Variants in ARHGAP22 observed in about 807,000 individuals in gnomAD.
ARHGAP22 encodes rho GTPase-activating protein 22.
ARHGAP22 carries 48 observed loss-of-function variants against 59.1 expected under a neutral mutation model. The observed-to-expected ratio is 0.81, with a 90% CI of 0.64 to 1.03. ARHGAP22 has a LOEUF of 1.03. Among genes scored for constraint, ARHGAP22 ranks in the 50% least tolerant of loss-of-function variants. The pLI, the probability that ARHGAP22 is intolerant of heterozygous loss-of-function variation, is 0.00. For missense variants in ARHGAP22, 1,015 were observed against 958.7 expected (o/e 1.06, Z -0.78); for synonymous variants, 445 against 416.4 (o/e 1.07, Z -0.84).
intron 1 of ARHGAP22, among the ~76,000 whole-genome samples, chr10:48,649,874 T>C (rs1431595448): frequency 1.3e-5 from 2 of 152,058 alleles, no homozygotes; most frequent in East Asian, 3.9e-4. Flanking sequence ...AAATGAAGCA[T>C]AGCAGTACAA....
At chr10:48,593,682 G>A (rs1182918024) in intron 1 of ARHGAP22, among the ~76,000 whole-genome samples, 2 of 152,360 alleles carry the variant, frequency 1.3e-5, no homozygotes, top group African/African-American at 4.8e-5. Context: ...GGGACACCAC[G>A]CTACTCAGAA....
At chr10:48,530,495 G>A (rs2054736025) in intron 3 of ARHGAP22, among the ~76,000 whole-genome samples, 1 of 152,164 alleles carries the variant, frequency 6.6e-6, no homozygotes, top group Non-Finnish European at 1.5e-5. Context: ...CACAGAGTGG[G>A]AGAAAATCTT....
the ARHGAP22 span, chr10:48,431,120 C>G: frequency 2.2e-6 from 2 of 923,554 alleles, no homozygotes; most frequent in East Asian, 2.5e-5. Context: ...AAAATTTCCA[C>G]TTAAACCATA....
intron 5 of ARHGAP22, among the ~76,000 whole-genome samples, chr10:48,455,635 C>A (rs2046417509): frequency 1.3e-5 from 2 of 152,220 alleles, no homozygotes; most frequent in South Asian, 4.1e-4. Flanking sequence ...ATCCCAAGGT[C>A]CCCTGCAAGA....
chr10:48,438,748 G>C, the ARHGAP22 span: 1 of 152,170 alleles, frequency 6.6e-6, no homozygotes, highest in African/African-American at 2.4e-5. Context: ...ATACCAGTAA[G>C]TATGTAAAGT....
chr10:48,645,318 A>G (rs1416362930), intron 1 of ARHGAP22, among the ~76,000 whole-genome samples: 1 of 152,246 alleles, frequency 6.6e-6, no homozygotes, highest in Admixed American at 6.5e-5. Flanking sequence ...TTCTACAAAA[A>G]GAAAACTACC....
chr10:48,442,644 G>A (rs1346929492), downstream of ARHGAP22, among the ~76,000 whole-genome samples: 1 of 151,912 alleles, frequency 6.6e-6, no homozygotes, highest in Non-Finnish European at 1.5e-5. Flanking sequence ...CACCAGGCCT[G>A]GGCCCAGAAA....
chr10:48,440,114 TTTAGGTA>T, the ARHGAP22 span, among the ~76,000 whole-genome samples: 1 of 104,690 alleles, frequency 9.6e-6, no homozygotes, highest in South Asian at 3.4e-4. Flanking sequence ...TCCTCGTTAA[TTTAGGTA>T]CTTTTTTTTT....
chr10:48,583,035 A>C lies in ARHGAP22; in HGVS notation c.152T>G (p.Met51Arg). Reference protein sequence around the residue: ...AGWLKKQRSIMKNWQQRWFVL... With the variant: ...AGWLKKQRSIRKNWQQRWFVL... The stretch of plus-strand genomic sequence containing the variant: ...AAACCAGCGCTGCTGCCAGTTCTTC[A>C]TGATGCTCCTCTGCTTCTTCAGCCA... The change falls in exon 2 of 10, where the codon ATG becomes AGG. Residue 51 changes from methionine to arginine, a missense_variant. Physicochemically the swap from Met to Arg is moderately conservative, Grantham distance 91. Transcript: ENST00000249601. The C allele has an allele frequency of 6.2e-7, 1 of 1,614,262 alleles. No individual in the cohort carries two copies. The highest frequency in any genetic ancestry group is 8.5e-7 in the Non-Finnish European group (1 of 1,180,044).
intron 2 of ARHGAP22, among the ~76,000 whole-genome samples, chr10:48,562,661 G>T (rs1257642762): frequency 3.9e-5 from 6 of 152,158 alleles, no homozygotes; most frequent in Non-Finnish European, 5.9e-5. Context: ...ATTACAACAG[G>T]ATACAAGGAA....
At chr10:48,655,054 C>CTTTCTTTCTTTCTCCT (rs1309930149), upstream of ARHGAP22, among the ~76,000 whole-genome samples, 5 of 61,622 alleles carry the variant, frequency 8.1e-5, no homozygotes, top group African/African-American at 3.3e-4. Context: ...TTCTTTCTTT[C>CTTTCTTTCTTTCTCCT]TCCTTCCTTC....
At chr10:48,595,111 G>A (rs1178316780) in intron 1 of ARHGAP22, among the ~76,000 whole-genome samples, 1 of 152,218 alleles carries the variant, frequency 6.6e-6, no homozygotes, top group Non-Finnish European at 1.5e-5. Flanking sequence ...CCTGCCGTGG[G>A]CCAGGGATGT....
chr10:48,611,946 C>A (rs1413872491), intron 1 of ARHGAP22, among the ~76,000 whole-genome samples: 1 of 144,976 alleles, frequency 6.9e-6, no homozygotes, highest in African/African-American at 2.5e-5. Context: ...CCTCAGCCTC[C>A]TGAGTAGCTG....
intron 2 of ARHGAP22, 22 bp downstream of exon 2, chr10:48,582,931 A>T: frequency 6.2e-7 from 1 of 1,613,208 alleles, no homozygotes; most frequent in Non-Finnish European, 8.5e-7. Context: ...TGCCCACGGC[A>T]CACCGGACAT....
intron 5 of ARHGAP22, 92 bp downstream of exon 5, chr10:48,459,592 C>T (rs2046939021): frequency 7.0e-7 from 1 of 1,437,736 alleles, no homozygotes; most frequent in African/African-American, 1.4e-5. Flanking sequence ...GTCGCTAGCC[C>T]ACCCCTGCCC....
chr10:48,450,792 C>A lies in ARHGAP22; in HGVS notation c.1337G>T (p.Gly446Val). The A allele has an allele frequency of 6.4e-7, 1 of 1,569,554 alleles. No homozygotes were observed. Residue 446 changes from glycine (G) to valine (V), a missense_variant, in exon 9 of 10, where the codon GGC becomes GTC. Gly to Val is a moderately radical substitution (Grantham distance 109). Transcript: ENST00000249601. ...GATGATGGGCACCTCCAGGGATGAG[C>A]CGCCCCCCTTCGGGCTTCCCGATAG... ...RSLSGSPKGG[G>V]SSLEVPIISS...
chr10:48,559,844 A>G (rs531810782), intron 2 of ARHGAP22, among the ~76,000 whole-genome samples: 1 of 152,360 alleles, frequency 6.6e-6, no homozygotes, highest in East Asian at 1.9e-4. Flanking sequence ...AATAGTTTAC[A>G]TCTTTTATAG....
chr10:48,480,957 G>C (rs2049247034), intron 3 of ARHGAP22, among the ~76,000 whole-genome samples: 1 of 152,260 alleles, frequency 6.6e-6, no homozygotes, highest in Non-Finnish European at 1.5e-5. Context: ...GTGGGGCTGT[G>C]TCCTGGCTGA....
intron 8 of ARHGAP22, 109 bp downstream of exon 8, chr10:48,453,195 C>T: frequency 6.6e-7 from 1 of 1,514,250 alleles, no homozygotes; most frequent in Non-Finnish European, 9.0e-7. Context: ...TGAGCCACCC[C>T]TCCTGCTGGC....
Sources: gnomAD v4.1 joint callset for allele counts (sites outside exome capture counted in the v4.1 genomes callset) on GRCh38, gnomAD v4.1.1 for gene constraint, MANE v1.5 for transcripts, NCBI Gene and HGNC (gene_info 2026-07-23, HGNC 2026-07-21) for gene names.